Variants in DNAI4 observed in about 807,000 individuals in gnomAD.
DNAI4 encodes WD repeat domain 78.
In DNAI4, 85 loss-of-function variants were observed where a neutral mutation model predicts 105.8. The observed-to-expected ratio is 0.80, with a 90% CI of 0.67 to 0.96. DNAI4 has a LOEUF of 0.96. Among genes scored for constraint, DNAI4 ranks in the 40% least tolerant of loss-of-function variants. The pLI, the probability that DNAI4 is intolerant of heterozygous loss-of-function variation, is 0.00. For synonymous variants in DNAI4, 352 were observed against 331.5 expected (o/e 1.06, Z -0.67); for missense variants, 1,014 against 1,005.6 (o/e 1.01, Z -0.11).
chr1:66,922,783 T>G lies in DNAI4; in HGVS notation c.170+1879A>C, dbSNP rs1032680510. Among the ~76,000 whole-genome samples, 7 of 152,212 alleles carry G rather than the reference T, an allele frequency of 4.6e-5. No individual in the cohort carries two copies. The East Asian group carries it at 5.8e-4, about 13-fold the overall frequency. ...TGCCATTTACTAAAATGAGAAAGATTGCAGTTAATTAGAAAAGACAGAAAA... is the reference window on the plus strand; with the variant it reads ...TGCCATTTACTAAAATGAGAAAGATGGCAGTTAATTAGAAAAGACAGAAAA... On this transcript the variant is annotated intron_variant, in intron 1 of 16. Coordinates refer to ENST00000371026, the MANE Select transcript of DNAI4 (RefSeq NM_024763.5).
intron 2 of DNAI4, among the ~76,000 whole-genome samples, chr1:66,895,678 A>G (rs1195401033): frequency 6.6e-6 from 1 of 152,196 alleles, no homozygotes; most frequent in Non-Finnish European, 1.5e-5. Flanking sequence ...TCACTACTGT[A>G]GGATTTTATA....
At chr1:66,918,706 T>C (rs1227511358) in intron 1 of DNAI4, among the ~76,000 whole-genome samples, 3 of 152,186 alleles carry the variant, frequency 2.0e-5, no homozygotes, top group African/African-American at 7.2e-5. Context: ...ACCTAACCCA[T>C]CTAGGAACAA....
chr1:66,848,988 G>C (rs1646337274), intron 7 of DNAI4, among the ~76,000 whole-genome samples: 1 of 152,208 alleles, frequency 6.6e-6, no homozygotes, highest in East Asian at 1.9e-4. Flanking sequence ...TGGTGTCAGA[G>C]AAGGCCCAGC....
intron 7 of DNAI4, among the ~76,000 whole-genome samples, chr1:66,851,620 A>C (rs1458960439): frequency 6.6e-6 from 1 of 151,992 alleles, no homozygotes; most frequent in Admixed American, 6.6e-5. Context: ...GAAATCAATA[A>C]TGGAAAGACA....
At chr1:66,898,395 G>A (rs1317230046) in intron 2 of DNAI4, among the ~76,000 whole-genome samples, 2 of 152,282 alleles carry the variant, frequency 1.3e-5, no homozygotes, top group East Asian at 1.9e-4. Context: ...GTTTAAATGT[G>A]TGTCTAAAAG....
intron 1 of DNAI4, among the ~76,000 whole-genome samples, chr1:66,909,110 C>T (rs910804906): frequency 5.9e-5 from 9 of 152,138 alleles, no homozygotes; most frequent in African/African-American, 2.2e-4. Context: ...AAGTTTTTCT[C>T]TCTCTATTGG....
intron 16 of DNAI4, among the ~76,000 whole-genome samples, chr1:66,818,636 T>C (rs1445494399): frequency 6.6e-6 from 1 of 152,086 alleles, no homozygotes; most frequent in African/African-American, 2.4e-5. Flanking sequence ...AGAAATAAAT[T>C]GGCCAGGTGC....
chr1:66,908,974 T>C (rs937002327), intron 1 of DNAI4, among the ~76,000 whole-genome samples: 6 of 152,284 alleles, frequency 3.9e-5, no homozygotes, highest in African/African-American at 1.4e-4. Flanking sequence ...ATTCTCTATT[T>C]TTTTCTTGTT....
chr1:66,845,190 C>CAAAAAAAAAAAAAAAAA (rs59265844), intron 8 of DNAI4, among the ~76,000 whole-genome samples: 2 of 106,316 alleles, frequency 1.9e-5, no homozygotes, highest in Non-Finnish European at 3.6e-5. Flanking sequence ...AACTCCATCT[C>CAAAAAAAAAAAAAAAAA]AAAAAAAAAA....
In DNAI4 at chr1:66,847,186, G is replaced by A. The variant is rs368022661; in HGVS notation, c.1291+298C>T. Among the ~76,000 whole-genome samples the A allele has an allele frequency of 3.0e-4, 46 of 152,316 alleles. No individual in the cohort carries two copies. In the South Asian group the frequency reaches 9.3e-3, roughly 31 times the overall value. On this transcript the variant is annotated intron_variant, in intron 8 of 16. Coordinates refer to ENST00000371026, the MANE Select transcript of DNAI4 (RefSeq NM_024763.5). ...CACGCATTTAGTGCTGAAAGCTTTA[G>A]AAACATGTCCTCTGATAATGATAAC...
chr1:66,889,401 A>G (rs1247419324), intron 4 of DNAI4, among the ~76,000 whole-genome samples: 1 of 152,248 alleles, frequency 6.6e-6, no homozygotes, highest in Non-Finnish European at 1.5e-5. Flanking sequence ...TGAGACCATA[A>G]GAAAAGAAGA....
At chr1:66,836,198 AAGAAAGAAAGAGAGAGAGAGAGAG>A (rs1645993604) in intron 10 of DNAI4, among the ~76,000 whole-genome samples, 2 of 63,048 alleles carry the variant, frequency 3.2e-5, no homozygotes, top group African/African-American at 1.1e-4. Flanking sequence ...GAAAGAAAGA[AAGAAAGAAAGAGAGAGAGAGAGAG>A]AGAGAGAGAG....
At chr1:66,823,358 G>A (rs7364643) in intron 15 of DNAI4, among the ~76,000 whole-genome samples, 4,420 of 151,850 alleles carry the variant, frequency 0.029, 179 homozygotes, top group South Asian at 0.22. Context: ...GAATAATGCC[G>A]CAATAAACAT....
At chr1:66,870,577 C>T (rs1646821962) in intron 6 of DNAI4, among the ~76,000 whole-genome samples, 1 of 150,072 alleles carries the variant, frequency 6.7e-6, no homozygotes, top group East Asian at 1.9e-4. Flanking sequence ...ATGGTGAAAA[C>T]CCATCTCTAT....
chr1:66,885,466 A>G (rs1004581365), intron 4 of DNAI4, among the ~76,000 whole-genome samples: 1 of 152,186 alleles, frequency 6.6e-6, no homozygotes, highest in Non-Finnish European at 1.5e-5. Context: ...AGAATTATAG[A>G]ATGCCAGTTT....
At chr1:66,821,495 A>C (rs547473128) in intron 16 of DNAI4, among the ~76,000 whole-genome samples, 2 of 152,352 alleles carry the variant, frequency 1.3e-5, no homozygotes. Flanking sequence ...GAGAGGACTC[A>C]TCAAATGTTT....
chr1:66,825,142 C>T (rs1007331238), intron 15 of DNAI4, among the ~76,000 whole-genome samples: 1 of 149,120 alleles, frequency 6.7e-6, no homozygotes, highest in Non-Finnish European at 1.5e-5. Context: ...AGATCCCTAA[C>T]ACAACTTCTT....
At chr1:66,853,398 T>A (rs893349774) in intron 7 of DNAI4, among the ~76,000 whole-genome samples, 5 of 152,126 alleles carry the variant, frequency 3.3e-5, no homozygotes, top group African/African-American at 1.2e-4. Context: ...GTATATTGAG[T>A]TTTAGGCCTG....
chr1:66,892,683 A>T (rs1647758814), intron 3 of DNAI4, among the ~76,000 whole-genome samples: 1 of 152,084 alleles, frequency 6.6e-6, no homozygotes, highest in Non-Finnish European at 1.5e-5. Flanking sequence ...AGGCAGGTGG[A>T]TCACCTGAGG....
Sources: gnomAD v4.1 joint callset for allele counts (sites outside exome capture counted in the v4.1 genomes callset) on GRCh38, gnomAD v4.1.1 for gene constraint, MANE v1.5 for transcripts, NCBI Gene and HGNC (gene_info 2026-07-23, HGNC 2026-07-21) for gene names.